Variants in NTM observed in about 807,000 individuals in gnomAD.
NTM encodes the protein neurotrimin.
Under a neutral mutation model 42.1 loss-of-function variants are expected in NTM, and 13 were observed. The ratio of observed to expected loss-of-function variants is 0.31; its 90% CI spans 0.20 to 0.49. The LOEUF is 0.49. Among genes scored for constraint, NTM ranks in the 20% least tolerant of loss-of-function variants. The pLI is 0.99. For synonymous variants in NTM, 187 were observed against 179.2 expected, an observed-to-expected ratio of 1.04 and a Z score of -0.35; for missense variants, 373 against 452.8, an observed-to-expected ratio of 0.82 and a Z score of 1.60.
intron 1 of NTM, among the ~76,000 whole-genome samples, chr11:131,563,894 T>C (rs763088817): frequency 4.6e-4 from 70 of 152,156 alleles, no homozygotes; most frequent in Non-Finnish European, 7.6e-4. Flanking sequence ...AAACCATCTC[T>C]ACCGTTCCTT....
At chr11:132,158,488 T>C (rs1007372975) in intron 3 of NTM, among the ~76,000 whole-genome samples, 1 of 152,226 alleles carries the variant, frequency 6.6e-6, no homozygotes, top group Non-Finnish European at 1.5e-5. Context: ...GATATTTCCG[T>C]GTTGGAGAGT....
At chr11:131,596,154 G>A (rs1438017656) in intron 1 of NTM, among the ~76,000 whole-genome samples, 3 of 152,180 alleles carry the variant, frequency 2.0e-5, no homozygotes, top group South Asian at 2.1e-4. Flanking sequence ...ATTAAACTCC[G>A]AGGTGCTGTT....
intron 1 of NTM, among the ~76,000 whole-genome samples, chr11:131,769,048 T>C (rs1419627632): frequency 6.6e-6 from 1 of 152,164 alleles, no homozygotes; most frequent in African/African-American, 2.4e-5. Flanking sequence ...CAGGTAAACA[T>C]TGACCTGAAT....
At position 131,452,629 on chromosome 11, in the gene NTM, G is replaced by A. The variant is rs146409853; in HGVS notation, c.82+81741G>A. 7.2e-5 allele frequency among the ~76,000 whole-genome samples: 11 copies of A among 152,240 alleles called. No homozygotes were observed. The East Asian group carries it at 1.9e-3, about 27-fold the overall frequency. On this transcript the variant is annotated intron_variant, in intron 1 of 8. Coordinates refer to ENST00000683400, the MANE Select transcript of NTM (RefSeq NM_001352005.2). The stretch of plus-strand genomic sequence containing the variant: ...TGTTTGGAGAGCCACTATCGACATA[G>A]ACGTGTATTTTAGTCCCTATGAAGA...
chr11:132,272,163 G>A (rs1200960260), intron 4 of NTM, among the ~76,000 whole-genome samples: 1 of 152,016 alleles, frequency 6.6e-6, no homozygotes, highest in African/African-American at 2.4e-5. Context: ...TGATACCCTT[G>A]CCAAAAATCA....
At chr11:132,314,169 T>G (rs1030969575) in intron 6 of NTM, among the ~76,000 whole-genome samples, 1 of 147,982 alleles carries the variant, frequency 6.8e-6, no homozygotes, top group Non-Finnish European at 1.5e-5. Context: ...GTTGTCATCA[T>G]CACCATCACC....
chr11:131,438,172 A>G (rs1949306586), intron 1 of NTM, among the ~76,000 whole-genome samples: 1 of 152,144 alleles, frequency 6.6e-6, no homozygotes, highest in Non-Finnish European at 1.5e-5. Flanking sequence ...ATGGGCTTCC[A>G]TTTGCTGTTA....
At chr11:131,447,380 C>G (rs547863527) in intron 1 of NTM, among the ~76,000 whole-genome samples, 1 of 152,170 alleles carries the variant, frequency 6.6e-6, no homozygotes, top group African/African-American at 2.4e-5. Context: ...TTGCTTCCCA[C>G]TTGGGCCCTG....
At chr11:131,734,445 C>T (rs1281427923) in intron 1 of NTM, among the ~76,000 whole-genome samples, 1 of 152,140 alleles carries the variant, frequency 6.6e-6, no homozygotes, top group Non-Finnish European at 1.5e-5. Flanking sequence ...TCTCCCTACC[C>T]CCATCCTTTT....
At chr11:132,035,416 A>G (rs868370982) in intron 2 of NTM, among the ~76,000 whole-genome samples, 3 of 152,244 alleles carry the variant, frequency 2.0e-5, no homozygotes, top group Non-Finnish European at 2.9e-5. Flanking sequence ...TGCTATATGC[A>G]TAGTCGGCTG....
intron 1 of NTM, among the ~76,000 whole-genome samples, chr11:131,548,895 C>G (rs186337769): frequency 2.6e-5 from 4 of 152,128 alleles, no homozygotes; most frequent in Non-Finnish European, 5.9e-5. Context: ...AATGAGGAAA[C>G]TACAATAATA....
rs79786956 is a variant in NTM, at chr11:131,479,801, T to G, written c.82+108913T>G. ...TGATATGCAATTGTGTGTGAGAACGTCAGCACAGAAAGCAAGTCAGGCACT... is the reference window on the plus strand; with the variant it reads ...TGATATGCAATTGTGTGTGAGAACGGCAGCACAGAAAGCAAGTCAGGCACT... On this transcript the variant is annotated intron_variant, in intron 1 of 8. Transcript: ENST00000683400. 6.3e-3 allele frequency among the ~76,000 whole-genome samples: 966 copies of G among 152,282 alleles called. 4 individuals carry two copies. Among genetic ancestry groups the G allele is most frequent in the African/African-American group, 0.021 (892 of 41,552 alleles).
intron 1 of NTM, among the ~76,000 whole-genome samples, chr11:131,506,324 G>A (rs976585179): frequency 6.6e-6 from 1 of 152,164 alleles, no homozygotes; most frequent in Non-Finnish European, 1.5e-5. Flanking sequence ...CCAAACTGGG[G>A]AAGGGCCTAT....
At chr11:131,623,632 T>C (rs746849652) in intron 1 of NTM, among the ~76,000 whole-genome samples, 1 of 152,176 alleles carries the variant, frequency 6.6e-6, no homozygotes, top group African/African-American at 2.4e-5. Flanking sequence ...GGCCTCTCTA[T>C]AGGGACGCGG....
chr11:131,812,329 A>G (rs2136320652), intron 1 of NTM, among the ~76,000 whole-genome samples: 1 of 152,164 alleles, frequency 6.6e-6, no homozygotes, highest in Middle Eastern at 3.4e-3. Context: ...GAATTGAGGT[A>G]TCCTTTCAGT....
chr11:131,875,589 C>A (rs10894468), intron 1 of NTM, among the ~76,000 whole-genome samples: 72,934 of 152,096 alleles, frequency 0.48, 17,666 homozygotes, highest in East Asian at 0.6. Flanking sequence ...AAATCAGAGA[C>A]GCCTTTTGTA....
At chr11:131,447,774 G>A (rs920875345) in intron 1 of NTM, among the ~76,000 whole-genome samples, 11 of 152,094 alleles carry the variant, frequency 7.2e-5, no homozygotes, top group Non-Finnish European at 1.0e-4. Flanking sequence ...GAGAGAAGAG[G>A]GGAGACAGAT....
chr11:131,462,266 G>A (rs1951450650), intron 1 of NTM, among the ~76,000 whole-genome samples: 1 of 152,126 alleles, frequency 6.6e-6, no homozygotes, highest in Admixed American at 6.5e-5. Context: ...ACTATAAATG[G>A]GCACAAGAGA....
At position 132,146,938 on chromosome 11, in the gene NTM, G is replaced by A. The variant is rs536638115; in HGVS notation, c.400+424G>A. On this transcript the variant is annotated intron_variant, in intron 3 of 8. Transcript: ENST00000683400. The surrounding 1 kb of genome is among the most constrained non-coding windows in gnomAD (Gnocchi z 4.5). ...TACAGGTATGCCATGTCCCCCTCCA[G>A]CCTTGAACGAAAGCAGAGCCAACCA... The A allele has an allele frequency of 1.1e-3, 211 of 183,674 alleles. No homozygotes were observed. The highest frequency in any genetic ancestry group is 1.7e-3 in the Non-Finnish European group (150 of 88,426). 11.4% of individuals were successfully genotyped at this position (183,674 alleles called of 1,614,324 possible).
Sources: allele counts gnomAD v4.1 joint callset (sites outside exome capture counted in the v4.1 genomes callset), GRCh38; gene constraint gnomAD v4.1.1; non-coding constraint Gnocchi (gnomAD v3.1); transcripts MANE v1.5; gene names NCBI Gene and HGNC (gene_info 2026-07-23, HGNC 2026-07-21).